KLF7: variants seen among roughly 807,000 people sequenced by gnomAD.
KLF7 encodes the protein KLF transcription factor 7.
In KLF7, 2 loss-of-function variants were observed where a neutral mutation model predicts 27.3. The ratio of observed to expected loss-of-function variants is 0.07; its 90% CI spans 0.03 to 0.23. The LOEUF is 0.23. Ranked by LOEUF, KLF7 falls within the 10% of genes least tolerant of loss-of-function variation. The pLI is 1.00. For missense variants in KLF7, 221 were observed against 394.1 expected, an observed-to-expected ratio of 0.56 and a Z score of 3.72; for synonymous variants, 165 against 162.4, an observed-to-expected ratio of 1.02 and a Z score of -0.12.
At chr2:207,105,688 G>A (rs1193863771) in intron 2 of KLF7, among the ~76,000 whole-genome samples, 2 of 152,116 alleles carry the variant, frequency 1.3e-5, no homozygotes, top group Non-Finnish European at 2.9e-5. Flanking sequence ...GCAGGGGTGA[G>A]GTCCTCTCAT....
At chr2:207,167,065 A>T, upstream of KLF7, 1 of 1,286,314 alleles carries the variant, frequency 7.8e-7, no homozygotes, top group Non-Finnish European at 1.0e-6. Flanking sequence ...AAGAGGCTAG[A>T]GGGAGCCTAG....
At position 207,165,789 on chromosome 2, in the gene KLF7, G is replaced by A; in HGVS notation, c.-221C>T. The A allele has an allele frequency of 1.4e-6, 2 of 1,426,680 alleles. No individual in the cohort carries two copies. Among genetic ancestry groups the A allele is most frequent in the East Asian group, 2.6e-5 (1 of 39,162 alleles). The allele number at this position is 1,426,680 out of a possible 1,614,324, so 88.4% of individuals were successfully genotyped here. ...CGAGTGAGTGGGGTGGATGGAGAGA[G>A]GCATCCAGCGTGTACAGTGCAGACG... On this transcript the variant is annotated 5_prime_UTR_variant, in exon 1 of 4. Transcript: ENST00000309446.
At chr2:207,143,420 C>CAA (rs548713514) in intron 1 of KLF7, among the ~76,000 whole-genome samples, 1 of 136,830 alleles carries the variant, frequency 7.3e-6, no homozygotes, top group African/African-American at 2.7e-5. Context: ...CTCCATTTAC[C>CAA]AAAAAAAAAA....
chr2:207,146,009 T>C (rs182003915), intron 1 of KLF7, among the ~76,000 whole-genome samples: 3 of 152,244 alleles, frequency 2.0e-5, no homozygotes, highest in Non-Finnish European at 4.4e-5. Flanking sequence ...TGGTTTATTA[T>C]GAACGAGTGT....
intron 2 of KLF7, among the ~76,000 whole-genome samples, chr2:207,092,277 G>GAC (rs1487696008): frequency 6.6e-6 from 1 of 152,202 alleles, no homozygotes; most frequent in East Asian, 1.9e-4. Flanking sequence ...AAAAACCCAG[G>GAC]ACTCCAGTCC....
At chr2:207,114,904 T>C (rs1450836746) in intron 2 of KLF7, among the ~76,000 whole-genome samples, 4 of 152,162 alleles carry the variant, frequency 2.6e-5, no homozygotes, top group Non-Finnish European at 4.4e-5. Flanking sequence ...CCCAACAAAG[T>C]TGGGATTAAA....
chr2:207,119,497 T>G (rs1213598003), intron 2 of KLF7, among the ~76,000 whole-genome samples: 1 of 151,970 alleles, frequency 6.6e-6, no homozygotes, highest in East Asian at 1.9e-4. Flanking sequence ...TTACTTTTCA[T>G]CAAAATATAA....
intron 2 of KLF7, among the ~76,000 whole-genome samples, chr2:207,101,750 G>A (rs1406937102): frequency 6.6e-6 from 1 of 152,194 alleles, no homozygotes; most frequent in Non-Finnish European, 1.5e-5. Context: ...CCTGTGGGAA[G>A]TGGCTCTAGA....
chr2:207,079,596 G>C lies in KLF7; in HGVS notation c.*1617C>G, dbSNP rs1482019735. On this transcript the variant is annotated 3_prime_UTR_variant, in exon 4 of 4. Transcript: ENST00000309446. Reference sequence around the variant, plus strand: ...TTGGAGTTGAGGCCAGTGCCAGCTAGCTAGGAATGCGGGTAGATAGAGACC... The same window carrying C: ...TTGGAGTTGAGGCCAGTGCCAGCTACCTAGGAATGCGGGTAGATAGAGACC... 1 of 152,242 alleles carries C rather than the reference G, an allele frequency of 6.6e-6. No individual in the cohort carries two copies. The highest frequency in any genetic ancestry group is 1.5e-5 in the Non-Finnish European group (1 of 68,128). The allele number at this position is 152,242 out of a possible 1,614,324, so 9.4% of individuals were successfully genotyped here. A position where few individuals can be genotyped will look rare whatever the true frequency, so the allele number is the denominator to read the frequency against.
Position 207,081,017 on chromosome 2 carries a change from G to A in KLF7, c.*196C>T. On this transcript the variant is annotated 3_prime_UTR_variant, in exon 4 of 4. Coordinates refer to ENST00000309446, the MANE Select transcript of KLF7 (RefSeq NM_003709.4). The stretch of plus-strand genomic sequence containing the variant: ...ACGTATATATTTTAAATATAGTTGA[G>A]TGCATGACAGTGTGTATGTGTGTGG... 1.6e-6 allele frequency: 1 copy of A among 622,906 alleles called. No homozygotes were observed. 38.6% of individuals were successfully genotyped at this position (622,906 alleles called of 1,614,324 possible).
chr2:207,101,082 T>C (rs747301365), intron 2 of KLF7, among the ~76,000 whole-genome samples: 1 of 152,214 alleles, frequency 6.6e-6, no homozygotes, highest in East Asian at 1.9e-4. Context: ...CTAACATGCA[T>C]TATCTCCGAA....
rs146598156 is a variant in KLF7 at position 207,099,273 on chromosome 2, G to C, written c.734-10692C>G. 4.2e-3 allele frequency among the ~76,000 whole-genome samples: 631 copies of C among 152,024 alleles called. 2 individuals are homozygous for C. The highest frequency in any genetic ancestry group is 0.014 in the African/African-American group (596 of 41,460). ...TGACACCCTACTGGGGAGGCTTTTG[G>C]AAAGCCTGAGGGCAGGTGAGAGGAC... On this transcript the variant is annotated intron_variant, in intron 2 of 3. Coordinates refer to ENST00000309446, the MANE Select transcript of KLF7 (RefSeq NM_003709.4).
intron 1 of KLF7, among the ~76,000 whole-genome samples, chr2:207,124,901 A>T (rs1052584303): frequency 1.3e-5 from 2 of 152,216 alleles, no homozygotes; most frequent in Non-Finnish European, 2.9e-5. Context: ...ATGTTCACTC[A>T]AACTAAGAGG....
intron 1 of KLF7, among the ~76,000 whole-genome samples, chr2:207,155,778 T>C (rs914397553): frequency 1.3e-5 from 2 of 152,112 alleles, no homozygotes; most frequent in African/African-American, 4.8e-5. Context: ...AACACCATAG[T>C]CAGAAGCTGC....
chr2:207,102,534 T>G (rs1314755710), intron 2 of KLF7, among the ~76,000 whole-genome samples: 1 of 152,214 alleles, frequency 6.6e-6, no homozygotes. Flanking sequence ...AAATTATGTT[T>G]CCATTCAGAA....
rs2076207439 is a variant in KLF7, at chr2:207,078,035, A to G, written c.*3178T>C. On this transcript the variant is annotated 3_prime_UTR_variant, in exon 4 of 4. Transcript: ENST00000309446. The stretch of plus-strand genomic sequence containing the variant: ...GTCCTCTTGGGAGCAAAATGTCTTC[A>G]GGTTACTTCTTGGAAAACCTGCTCG... The G allele has an allele frequency of 6.6e-6, 1 of 152,236 alleles. No individual in the cohort carries two copies. Among genetic ancestry groups the G allele is most frequent in the Non-Finnish European group, 1.5e-5 (1 of 68,044 alleles). 9.4% of individuals were successfully genotyped at this position (152,236 alleles called of 1,614,324 possible).
At chr2:207,149,215 T>A in intron 1 of KLF7, 3 of 1,241,194 alleles carry the variant, frequency 2.4e-6, no homozygotes, top group South Asian at 1.3e-5. Context: ...GGAGAAAAAA[T>A]TAAAAATCTG....
At chr2:207,134,154 A>AT (rs35538720) in intron 1 of KLF7, 45,220 of 1,128,752 alleles carry the variant, frequency 0.04, 544 homozygotes, top group African/African-American at 0.17. Context: ...GGCTACTGGG[A>AT]TTTTTTTTTT....
chr2:207,155,354 T>C (rs1251705240), intron 1 of KLF7, among the ~76,000 whole-genome samples: 3 of 152,228 alleles, frequency 2.0e-5, no homozygotes, highest in African/African-American at 7.2e-5. Context: ...CAATGGTTTT[T>C]TGCAACTCAT....
Sources: allele counts gnomAD v4.1 joint callset (sites outside exome capture counted in the v4.1 genomes callset), GRCh38; gene constraint gnomAD v4.1.1; transcripts MANE v1.5; gene names NCBI Gene and HGNC (gene_info 2026-07-23, HGNC 2026-07-21).